Variants in UNC5D observed in about 807,000 individuals in gnomAD.
UNC5D encodes the protein netrin receptor UNC5D.
In UNC5D, 39 loss-of-function variants were observed where a neutral mutation model predicts 105.4. That is an observed-to-expected ratio of 0.37 (90% CI 0.29 to 0.48). The LOEUF is 0.48. Among genes scored for constraint, UNC5D ranks in the 20% least tolerant of loss-of-function variants. UNC5D has a pLI of 0.98. For synonymous variants in UNC5D, 452 were observed against 450.4 expected (o/e 1.00, Z -0.04); for missense variants, 991 against 1,202.4 (o/e 0.82, Z 2.60).
chr8:35,496,335 A>G (rs1811593962), intron 1 of UNC5D, among the ~76,000 whole-genome samples: 2 of 152,148 alleles, frequency 1.3e-5, no homozygotes, highest in Non-Finnish European at 2.9e-5. Flanking sequence ...GACTTTTGGA[A>G]GCCAGTAAAG....
At chr8:35,498,685 G>A (rs572106671) in intron 1 of UNC5D, among the ~76,000 whole-genome samples, 2 of 152,224 alleles carry the variant, frequency 1.3e-5, no homozygotes, top group South Asian at 2.1e-4. Flanking sequence ...TATGGCTGGA[G>A]GTTGGCTGAA....
chr8:35,613,902 C>G (rs1360699098), intron 4 of UNC5D, among the ~76,000 whole-genome samples: 1 of 152,168 alleles, frequency 6.6e-6, no homozygotes, highest in African/African-American at 2.4e-5. Flanking sequence ...TCTCTTATTA[C>G]TTTCAGAATG....
chr8:35,590,326 T>G (rs548604074), intron 3 of UNC5D, among the ~76,000 whole-genome samples: 3 of 152,036 alleles, frequency 2.0e-5, no homozygotes, highest in Admixed American at 6.6e-5. Flanking sequence ...GGAAAAGCCT[T>G]CCTTTTCCTA....
At chr8:35,402,127 A>G (rs1200927721) in intron 1 of UNC5D, among the ~76,000 whole-genome samples, 1 of 152,166 alleles carries the variant, frequency 6.6e-6, no homozygotes, top group Non-Finnish European at 1.5e-5. Context: ...TTTTCATGCT[A>G]CGTGGAGTGG....
chr8:35,594,384 G>A (rs2130896840), intron 3 of UNC5D, among the ~76,000 whole-genome samples: 1 of 152,298 alleles, frequency 6.6e-6, no homozygotes, highest in Non-Finnish European at 1.5e-5. Context: ...TGATTCTGGA[G>A]CTCTCCTCTT....
At chr8:35,254,111 A>G (rs1342093019) in intron 1 of UNC5D, among the ~76,000 whole-genome samples, 1 of 152,148 alleles carries the variant, frequency 6.6e-6, no homozygotes, top group Non-Finnish European at 1.5e-5. Context: ...TGTCTTAGGT[A>G]TATTTATTTC....
At chr8:35,358,198 G>A (rs181845457) in intron 1 of UNC5D, among the ~76,000 whole-genome samples, 6 of 152,040 alleles carry the variant, frequency 3.9e-5, no homozygotes, top group East Asian at 3.9e-4. Flanking sequence ...ACATACATGC[G>A]TATGTTCATT....
chr8:35,737,291 TGTGTGTGTG>T (rs755769872), intron 11 of UNC5D, among the ~76,000 whole-genome samples: 65 of 150,146 alleles, frequency 4.3e-4, no homozygotes, highest in Admixed American at 1.1e-3. Flanking sequence ...TGTGTGTGTG[TGTGTGTGTG>T]TTAATGTGTG....
chr8:35,237,641 G>A (rs2128797899), intron 1 of UNC5D, among the ~76,000 whole-genome samples: 1 of 152,266 alleles, frequency 6.6e-6, no homozygotes, highest in East Asian at 1.9e-4. Flanking sequence ...AAGGTCTCCT[G>A]GAAAACATGC....
intron 1 of UNC5D, among the ~76,000 whole-genome samples, chr8:35,447,737 G>T (rs569714979): frequency 6.6e-6 from 1 of 151,978 alleles, no homozygotes; most frequent in Non-Finnish European, 1.5e-5. Context: ...TACTGACATA[G>T]CAAGGAAAAA....
At chr8:35,322,857 G>A (rs2128887451) in intron 1 of UNC5D, among the ~76,000 whole-genome samples, 1 of 152,258 alleles carries the variant, frequency 6.6e-6, no homozygotes, top group South Asian at 2.1e-4. Flanking sequence ...GAAGAGGTTG[G>A]ATTGACAGGT....
At chr8:35,600,731 G>T (rs894650793) in intron 4 of UNC5D, among the ~76,000 whole-genome samples, 1 of 151,926 alleles carries the variant, frequency 6.6e-6, no homozygotes, top group Non-Finnish European at 1.5e-5. Context: ...TGCAAAAATT[G>T]TCTCCCATTC....
At chr8:35,671,558 CA>C (rs1171962668) in intron 4 of UNC5D, among the ~76,000 whole-genome samples, 1 of 152,184 alleles carries the variant, frequency 6.6e-6, no homozygotes, top group Non-Finnish European at 1.5e-5. Flanking sequence ...GGAGAGAGCA[CA>C]AGAGGCGATG....
intron 1 of UNC5D, among the ~76,000 whole-genome samples, chr8:35,261,152 T>C (rs556001662): frequency 6.6e-6 from 1 of 152,354 alleles, no homozygotes; most frequent in East Asian, 1.9e-4. Context: ...TTTTTAGTGC[T>C]GCTTCAGATG....
At chr8:35,237,321 C>T (rs751370310) in intron 1 of UNC5D, among the ~76,000 whole-genome samples, 1 of 151,416 alleles carries the variant, frequency 6.6e-6, no homozygotes, top group Non-Finnish European at 1.5e-5. Flanking sequence ...GCACAAGCTT[C>T]AGCCATTTAA....
At chr8:35,765,925 A>G (rs1331897361) in intron 14 of UNC5D, among the ~76,000 whole-genome samples, 1 of 152,238 alleles carries the variant, frequency 6.6e-6, no homozygotes, top group African/African-American at 2.4e-5. Flanking sequence ...GAGGATTACC[A>G]GAGGCATATG....
chr8:35,281,309 C>T (rs1030275175), intron 1 of UNC5D, among the ~76,000 whole-genome samples: 2 of 152,242 alleles, frequency 1.3e-5, no homozygotes, highest in Admixed American at 6.5e-5. Flanking sequence ...CATACTAAGT[C>T]GGCTATACAA....
rs140070009 is a variant in UNC5D, at chr8:35,277,187, C to T, written c.103+41300C>T. Among the ~76,000 whole-genome samples the T allele has an allele frequency of 2.8e-3, 427 of 152,304 alleles. 4 individuals carry two copies. The highest frequency in any genetic ancestry group is 9.7e-3 in the African/African-American group (405 of 41,570). On this transcript the variant is annotated intron_variant, in intron 1 of 16. Transcript: ENST00000404895. ...TTTCCTCTCCAGTTCATCTGCATCTCATTATTGGGACATGAGAAATAGCAG... is the reference window on the plus strand; with the variant it reads ...TTTCCTCTCCAGTTCATCTGCATCTTATTATTGGGACATGAGAAATAGCAG...
intron 1 of UNC5D, among the ~76,000 whole-genome samples, chr8:35,264,331 G>A (rs1007905594): frequency 1.6e-4 from 24 of 151,764 alleles, no homozygotes; most frequent in East Asian, 7.7e-4. Context: ...GGAGCAAAAC[G>A]CCTTTTCATG....
Sources: allele counts gnomAD v4.1 joint callset (sites outside exome capture counted in the v4.1 genomes callset), GRCh38; gene constraint gnomAD v4.1.1; transcripts MANE v1.5; gene names NCBI Gene and HGNC (gene_info 2026-07-23, HGNC 2026-07-21).